Variants in ABRAXAS2 observed in about 807,000 individuals in gnomAD.
The protein encoded by ABRAXAS2 is BRISC complex subunit Abraxas 2.
A neutral mutation model predicts 49.0 loss-of-function variants in ABRAXAS2; 23 were observed. That is an observed-to-expected ratio of 0.47 (90% confidence interval 0.34 to 0.66). The LOEUF (loss-of-function observed/expected upper bound fraction) is 0.66. Among genes scored for constraint, ABRAXAS2 ranks in the 30% least tolerant of loss-of-function variants. The pLI is 0.01. For missense variants in ABRAXAS2, 443 were observed against 511.9 expected, an observed-to-expected ratio of 0.87 and a Z score of 1.30; for synonymous variants, 168 against 180.2, an observed-to-expected ratio of 0.93 and a Z score of 0.54.
At chr10:124,808,698 T>A (rs953764112) in intron 2 of ABRAXAS2, among the ~76,000 whole-genome samples, 6 of 152,136 alleles carry the variant, frequency 3.9e-5, no homozygotes, top group African/African-American at 1.2e-4. Flanking sequence ...TCAGTAAAGA[T>A]GTGTGTCAGG....
chr10:124,821,190 G>A (rs905151021), intron 4 of ABRAXAS2, among the ~76,000 whole-genome samples: 11 of 152,210 alleles, frequency 7.2e-5, no homozygotes, highest in East Asian at 3.9e-4. Context: ...TGGGATTACA[G>A]GTGTGAGCCA....
chr10:124,809,728 A>G (rs1421769090), intron 2 of ABRAXAS2, among the ~76,000 whole-genome samples: 3 of 151,964 alleles, frequency 2.0e-5, no homozygotes, highest in South Asian at 4.2e-4. Flanking sequence ...ACAAATTGGT[A>G]AACTTTCTTC....
Position 124,819,450 on chromosome 10 carries a change from G to A in ABRAXAS2, c.267G>A (p.Lys89=). The A allele has an allele frequency of 2.5e-6, 4 of 1,613,716 alleles. No homozygotes were observed. Among genetic ancestry groups the A allele is most frequent in the Non-Finnish European group, 1.7e-6 (2 of 1,179,700 alleles). Reference sequence around the variant, plus strand: ...ACAGGATTCTTAAAGATCGGAGAAAGGTATGTTCTGTTTGTTGCCCAGTAT... The same window carrying A: ...ACAGGATTCTTAAAGATCGGAGAAAAGTATGTTCTGTTTGTTGCCCAGTAT... ...SLDRILKDRR[K]KVIGWYRFRR... Residue 89 remains lysine (K), a splice_region_variant and synonymous_variant, in exon 4 of 9, where the codon AAG becomes AAA. Coordinates refer to ENST00000298492, the MANE Select transcript of ABRAXAS2 (RefSeq NM_032182.4).
chr10:124,801,993 CG>C, intron 1 of ABRAXAS2, 92 bp downstream of exon 1: 1 of 1,337,292 alleles, frequency 7.5e-7, no homozygotes, highest in Non-Finnish European at 1.0e-6. Flanking sequence ...TCATGCGGCT[CG>C]CCCCCTGGGC....
At chr10:124,810,973 A>T (rs192550805) in intron 2 of ABRAXAS2, among the ~76,000 whole-genome samples, 7,630 of 150,464 alleles carry the variant, frequency 0.051, 623 homozygotes, top group African/African-American at 0.17. Flanking sequence ...TAATCCCAGC[A>T]CTTTGGGAGG....
intron 6 of ABRAXAS2, 53 bp downstream of exon 6, chr10:124,828,928 T>G (rs1589810294): frequency 1.9e-6 from 3 of 1,582,450 alleles, no homozygotes; most frequent in East Asian, 4.5e-5. Flanking sequence ...ATATTTCTTT[T>G]GTTAATAACA....
chr10:124,807,721 T>A (rs1019047440), intron 2 of ABRAXAS2, among the ~76,000 whole-genome samples: 4 of 152,184 alleles, frequency 2.6e-5, no homozygotes, highest in African/African-American at 9.7e-5. Flanking sequence ...TAAGTATGGG[T>A]CTTCTATAAA....
chr10:124,807,011 C>G lies in ABRAXAS2; in HGVS notation c.163+90C>G, dbSNP rs1950749175. 2.8e-6 allele frequency: 3 copies of G among 1,064,758 alleles called. No homozygotes were observed. In the African/African-American group the frequency reaches 4.8e-5, roughly 17 times the overall value. The allele number at this position is 1,064,758 out of a possible 1,614,324, so 66.0% of individuals were successfully genotyped here. A position where few individuals can be genotyped will look rare whatever the true frequency, so the allele number is the denominator to read the frequency against. ...TTGTTTTGCCCTTAACTGATTTTATCCTAAAGAATTCAAAGAGTATGCCAG... is the reference window on the plus strand; with the variant it reads ...TTGTTTTGCCCTTAACTGATTTTATGCTAAAGAATTCAAAGAGTATGCCAG... On this transcript the variant is annotated intron_variant, in intron 2 of 8. Transcript: ENST00000298492.
At chr10:124,807,442 C>A (rs1950753320) in intron 2 of ABRAXAS2, among the ~76,000 whole-genome samples, 1 of 151,244 alleles carries the variant, frequency 6.6e-6, no homozygotes, top group Non-Finnish European at 1.5e-5. Context: ...CACCTGAAGT[C>A]AGAAGTTCGA....
chr10:124,827,800 T>G (rs981029195), intron 5 of ABRAXAS2, among the ~76,000 whole-genome samples: 3 of 152,186 alleles, frequency 2.0e-5, no homozygotes, highest in Non-Finnish European at 4.4e-5. Context: ...GTTGTCTGTT[T>G]GTAAACAGCA....
At chr10:124,815,339 C>T (rs780654637) in intron 2 of ABRAXAS2, among the ~76,000 whole-genome samples, 1 of 152,080 alleles carries the variant, frequency 6.6e-6, no homozygotes, top group African/African-American at 2.4e-5. Flanking sequence ...GGACTACAGG[C>T]GCCCACCAAC....
At chr10:124,818,428 G>C (rs1198503913) in intron 3 of ABRAXAS2, among the ~76,000 whole-genome samples, 1 of 151,190 alleles carries the variant, frequency 6.6e-6, no homozygotes, top group African/African-American at 2.4e-5. Context: ...ATTAGACTCA[G>C]TTATTAGAGC....
intron 5 of ABRAXAS2, among the ~76,000 whole-genome samples, chr10:124,828,526 G>A (rs1192099196): frequency 6.6e-6 from 1 of 151,844 alleles, no homozygotes; most frequent in Non-Finnish European, 1.5e-5. Context: ...CACCATGCCC[G>A]GCTAATTTTT....
At chr10:124,818,045 G>T (rs1417702063) in intron 3 of ABRAXAS2, among the ~76,000 whole-genome samples, 1 of 152,088 alleles carries the variant, frequency 6.6e-6, no homozygotes, top group African/African-American at 2.4e-5. Context: ...GCCTTCTCAG[G>T]AATTCATTAA....
At chr10:124,816,681 G>C (rs1312869969) in intron 3 of ABRAXAS2, 69 bp downstream of exon 3, 7 of 1,155,322 alleles carry the variant, frequency 6.1e-6, no homozygotes, top group Non-Finnish European at 9.0e-6. Context: ...GTGAATTTTG[G>C]CCTGTAGCTG....
In ABRAXAS2 at chr10:124,836,005, A is replaced by G. The variant is rs145727957; in HGVS notation, c.*1034A>G. The G allele has an allele frequency of 2.5e-3, 388 of 152,310 alleles. 5 individuals carry two copies. The highest frequency in any genetic ancestry group is 8.8e-3 in the African/African-American group (363 of 41,388). 9.4% of individuals were successfully genotyped at this position (152,310 alleles called of 1,614,324 possible). A position where few individuals can be genotyped will look rare whatever the true frequency, so the allele number is the denominator to read the frequency against. On this transcript the variant is annotated 3_prime_UTR_variant, in exon 9 of 9. Coordinates refer to ENST00000298492, the MANE Select transcript of ABRAXAS2 (RefSeq NM_032182.4). ...GGGAATAATTGCAGTATGTGTAGAGACTCTCTTGGGATGCACTTATATTTT... is the reference window on the plus strand; with the variant it reads ...GGGAATAATTGCAGTATGTGTAGAGGCTCTCTTGGGATGCACTTATATTTT...
chr10:124,810,618 C>G (rs1244625727), intron 2 of ABRAXAS2, among the ~76,000 whole-genome samples: 1 of 149,602 alleles, frequency 6.7e-6, no homozygotes, highest in Non-Finnish European at 1.5e-5. Flanking sequence ...GAGTCTCCCT[C>G]TGTCACCAGG....
At position 124,826,765 on chromosome 10, in the gene ABRAXAS2, G is replaced by A; in HGVS notation, c.438G>A (p.Val146=). ...ANNSTHALEY[V]LFRPNRRYNQ... is the part of the protein sequence containing the mutation. ...ATTCCACTCACGCTTTAGAATATGT[G>A]CTCTTCAGACCAAATAGAAGGTAAA... Residue 146 remains valine (V), a synonymous_variant, in exon 5 of 9, where the codon GTG becomes GTA. Coordinates refer to ENST00000298492, the MANE Select transcript of ABRAXAS2 (RefSeq NM_032182.4). 1 of 1,614,140 alleles carries A rather than the reference G, an allele frequency of 6.2e-7. No homozygotes were observed. Among genetic ancestry groups the A allele is most frequent in the Non-Finnish European group, 8.5e-7 (1 of 1,180,016 alleles).
At chr10:124,801,981 C>A in intron 1 of ABRAXAS2, 80 bp downstream of exon 1, 1 of 1,437,402 alleles carries the variant, frequency 7.0e-7, no homozygotes, top group Non-Finnish European at 9.7e-7. Flanking sequence ...CAAGCCGGGA[C>A]CTCATGCGGC....
Sources: gnomAD v4.1 joint callset for allele counts (sites outside exome capture counted in the v4.1 genomes callset) on GRCh38, gnomAD v4.1.1 for gene constraint, MANE v1.5 for transcripts, NCBI Gene and HGNC (gene_info 2026-07-23, HGNC 2026-07-21) for gene names.